Variants in DNAH8 observed in about 807,000 individuals in gnomAD.
DNAH8 encodes the protein dynein axonemal heavy chain 8.
In DNAH8, 382 loss-of-function variants were observed where a neutral mutation model predicts 562.1. That is an observed-to-expected ratio of 0.68 (90% CI 0.63 to 0.74). The LOEUF is 0.74. Ranked by LOEUF, DNAH8 falls within the 30% of genes least tolerant of loss-of-function variation. DNAH8 has a pLI of 0.00. For synonymous variants in DNAH8, 1,881 were observed against 1,919.4 expected (o/e 0.98, Z 0.52); for missense variants, 5,203 against 5,620.4 (o/e 0.93, Z 2.37).
chr6:38,929,387 T>A (rs1782358311), intron 74 of DNAH8, 124 bp from the exon 75 acceptor site: 4 of 994,940 alleles, frequency 4.0e-6, no homozygotes, highest in East Asian at 2.7e-5. Context: ...TTAATTTTTT[T>A]AAGTAAGTCT....
chr6:38,898,287 A>T lies in DNAH8; in HGVS notation c.8970A>T (p.Lys2990Asn). The T allele has an allele frequency of 6.3e-7, 1 of 1,588,890 alleles. No individual in the cohort carries two copies. Among genetic ancestry groups the T allele is most frequent in the East Asian group, 2.3e-5 (1 of 43,342 alleles). ...LMPSFDFLAE[K>N]LQFYQRQFNE... ...CATCCTTTGACTTTCTGGCTGAAAA[A>T]CTCCAGTTTTACCAGAGACAGTTCA... The change falls in exon 61 of 93, where the codon AAA becomes AAT. Residue 2990 changes from lysine to asparagine, a missense_variant. Lys to Asn is a moderately conservative substitution (Grantham distance 94). Transcript: ENST00000327475.
intron 76 of DNAH8, 92 bp downstream of exon 76, chr6:38,932,085 A>T (rs1421142584): frequency 8.1e-6 from 8 of 983,658 alleles, no homozygotes; most frequent in African/African-American, 1.7e-5. Context: ...AGAAAAAAAA[A>T]TTTAAAAACC....
At chr6:38,892,122 C>G (rs1306467927) in intron 58 of DNAH8, among the ~76,000 whole-genome samples, 1 of 152,032 alleles carries the variant, frequency 6.6e-6, no homozygotes, top group South Asian at 2.1e-4. Flanking sequence ...TCATTAAAGT[C>G]CCCCTTCTTC....
At chr6:38,954,939 T>A (rs980454285) in intron 82 of DNAH8, among the ~76,000 whole-genome samples, 23 of 152,196 alleles carry the variant, frequency 1.5e-4, no homozygotes, top group African/African-American at 5.5e-4. Flanking sequence ...TATGCTATAT[T>A]CTGTTCCAAA....
intron 24 of DNAH8, 39 bp downstream of exon 24, chr6:38,807,755 C>G: frequency 8.7e-7 from 1 of 1,155,696 alleles, no homozygotes; most frequent in Non-Finnish European, 1.2e-6. Flanking sequence ...GGTAATCATA[C>G]TTATAATGTG....
At chr6:38,984,530 C>T (rs956208710) in intron 87 of DNAH8, among the ~76,000 whole-genome samples, 20 of 152,092 alleles carry the variant, frequency 1.3e-4, no homozygotes, top group Non-Finnish European at 2.4e-4. Flanking sequence ...TGGTGGCTCA[C>T]GCCTGTAATC....
chr6:38,990,486 T>C lies in DNAH8; in HGVS notation c.13214+314T>C, dbSNP rs372861512. 7.9e-5 allele frequency among the ~76,000 whole-genome samples: 12 copies of C among 152,320 alleles called. No homozygotes were observed. The East Asian group carries it at 1.4e-3, about 17-fold the overall frequency. On this transcript the variant is annotated intron_variant, in intron 88 of 92. Coordinates refer to ENST00000327475, the MANE Select transcript of DNAH8 (RefSeq NM_001206927.2). ...GTGCTCTCCGCCGGCAGAAGAGTGG[T>C]CTGCCAGCTCCTCATCTCTTTCTTC...
chr6:38,907,999 A>G lies in DNAH8; in HGVS notation c.9392A>G (p.Gln3131Arg), dbSNP rs1763034118. Residue 3131 changes from glutamine (Q) to arginine (R), a missense_variant, in exon 64 of 93, where the codon CAA becomes CGA. Gln to Arg is a conservative substitution (Grantham distance 43, BLOSUM62 1). Coordinates refer to ENST00000327475, the MANE Select transcript of DNAH8 (RefSeq NM_001206927.2). ...FARDEMDEITQGLISVMKREL... is the reference protein window; with the variant it reads ...FARDEMDEITRGLISVMKREL... The stretch of plus-strand genomic sequence containing the variant: ...CGAGATGAGATGGATGAAATCACCC[A>G]AGGTCTGATTTCAGTGATGAAGAGG... 14 of 1,611,472 alleles carry G rather than the reference A, an allele frequency of 8.7e-6. No homozygotes were observed. Among genetic ancestry groups the G allele is most frequent in the Non-Finnish European group, 1.2e-5 (14 of 1,179,020 alleles).
intron 11 of DNAH8, among the ~76,000 whole-genome samples, chr6:38,768,253 A>G (rs1011827193): frequency 2.7e-4 from 41 of 151,834 alleles, no homozygotes; most frequent in Admixed American, 2.0e-4. Context: ...ACTATTGCTT[A>G]TTTGTCTATT....
At chr6:38,733,924 AAAAAG>A (rs1763862237) in intron 4 of DNAH8, among the ~76,000 whole-genome samples, 1 of 150,486 alleles carries the variant, frequency 6.6e-6, no homozygotes, top group African/African-American at 2.5e-5. Flanking sequence ...ATCTAAAAAG[AAAAAG>A]AAAAAAAAAA....
chr6:39,017,505 G>A (rs1182298398), intron 91 of DNAH8, among the ~76,000 whole-genome samples: 1 of 152,202 alleles, frequency 6.6e-6, no homozygotes, highest in Non-Finnish European at 1.5e-5. Flanking sequence ...TGAAATGGAG[G>A]CAGAGGCTGA....
intron 82 of DNAH8, among the ~76,000 whole-genome samples, chr6:38,962,315 A>G (rs1762658367): frequency 1.3e-5 from 2 of 152,112 alleles, no homozygotes; most frequent in Middle Eastern, 3.2e-3. Flanking sequence ...AGAATTGCAA[A>G]TGGACAAGAA....
In DNAH8 at chr6:38,929,685, A is replaced by T; in HGVS notation, c.11274+19A>T. The T allele has an allele frequency of 6.6e-7, 1 of 1,514,080 alleles. No individual in the cohort carries two copies. Among genetic ancestry groups the T allele is most frequent in the Non-Finnish European group, 8.8e-7 (1 of 1,137,136 alleles). The allele number at this position is 1,514,080 out of a possible 1,614,324, so 93.8% of individuals were successfully genotyped here. A position where few individuals can be genotyped will look rare whatever the true frequency, so the allele number is the denominator to read the frequency against. On this transcript the variant is annotated intron_variant, in intron 75 of 92. Coordinates refer to ENST00000327475, the MANE Select transcript of DNAH8 (RefSeq NM_001206927.2). Reference sequence around the variant, plus strand: ...TTTCAAGGTGAGCTTTGTAAAAAAAAAAAAAAAGAAAGAAAGAAAGAAAAG... The same window carrying T: ...TTTCAAGGTGAGCTTTGTAAAAAAATAAAAAAAGAAAGAAAGAAAGAAAAG...
chr6:38,907,424 G>A (rs1363364960), intron 63 of DNAH8, among the ~76,000 whole-genome samples: 3 of 152,104 alleles, frequency 2.0e-5, no homozygotes, highest in African/African-American at 7.2e-5. Context: ...TGTATCACAA[G>A]GTTTGTGTAA....
intron 12 of DNAH8, among the ~76,000 whole-genome samples, chr6:38,772,067 C>T (rs1404135943): frequency 4.8e-5 from 6 of 125,120 alleles, no homozygotes; most frequent in Non-Finnish European, 3.3e-5. Flanking sequence ...TTTGCTCTTT[C>T]GCCCAGGCCA....
At chr6:38,974,275 G>A (rs1763532827) in intron 84 of DNAH8, 99 bp from the exon 85 acceptor site, 2 of 974,630 alleles carry the variant, frequency 2.1e-6, no homozygotes, top group African/African-American at 3.3e-5. Flanking sequence ...CCAGTCCCAA[G>A]CATTTCAGAT....
intron 85 of DNAH8, among the ~76,000 whole-genome samples, chr6:38,977,042 C>A (rs1763719852): frequency 6.6e-6 from 1 of 152,156 alleles, no homozygotes; most frequent in African/African-American, 2.4e-5. Flanking sequence ...ATCAGCTTAC[C>A]CCAGTTCATA....
At position 38,737,947 on chromosome 6, in the gene DNAH8, T is replaced by C; in HGVS notation, c.1091T>C (p.Met364Thr). The change falls in exon 7 of 93, where the codon ATG becomes ACG. Residue 364 changes from methionine to threonine, a missense_variant. By Grantham distance (81) the Met-to-Thr change is moderately conservative. This residue lies in a region of DNAH8 where 556 missense variants were observed against 496.9 expected (regional missense o/e 1.12). Coordinates refer to ENST00000327475, the MANE Select transcript of DNAH8 (RefSeq NM_001206927.2). ...GTTCATCAGCTGGAGGAAGTGCTGATGGTATGGTACAAACAGATCGAACAG... is the reference window on the plus strand; with the variant it reads ...GTTCATCAGCTGGAGGAAGTGCTGACGGTATGGTACAAACAGATCGAACAG... ...ETVHQLEEVLMVWYKQIEQVL... is the reference protein window; with the variant it reads ...ETVHQLEEVLTVWYKQIEQVL... 8.7e-6 allele frequency: 14 copies of C among 1,609,366 alleles called. No individual in the cohort carries two copies. The highest frequency in any genetic ancestry group is 1.2e-5 in the Non-Finnish European group (14 of 1,177,938).
chr6:38,995,927 A>G (rs1765105012), intron 88 of DNAH8, among the ~76,000 whole-genome samples: 1 of 152,190 alleles, frequency 6.6e-6, no homozygotes, highest in Admixed American at 6.5e-5. Context: ...ATCCCAGAGA[A>G]ACCACTGAGA....
Sources: gnomAD v4.1 joint callset for allele counts (sites outside exome capture counted in the v4.1 genomes callset) on GRCh38, gnomAD v4.1.1 for gene constraint, gnomAD v4.1.1 regional missense constraint, MANE v1.5 for transcripts, NCBI Gene and HGNC (gene_info 2026-07-23, HGNC 2026-07-21) for gene names.